Variants in TRAF3 observed in about 807,000 individuals in gnomAD.
TRAF3 encodes TNF receptor associated factor 3, also known as TNF receptor-associated factor 3.
In TRAF3, 13 loss-of-function variants were observed where a neutral mutation model predicts 62.3. The observed-to-expected ratio is 0.21, with a 90% CI of 0.14 to 0.33. The LOEUF is 0.33. TRAF3 is among the 10% of genes least tolerant of loss of function. The pLI is 1.00. For synonymous variants in TRAF3, 269 were observed against 283.4 expected (o/e 0.95, Z 0.51); for missense variants, 440 against 741.8 (o/e 0.59, Z 4.73).
intron 1 of TRAF3, among the ~76,000 whole-genome samples, chr14:102,804,716 G>A (rs578054848): frequency 1.1e-4 from 17 of 152,150 alleles, no homozygotes; most frequent in African/African-American, 2.9e-4. Context: ...TGAACTCCTG[G>A]CCTCAAGTAA....
At position 102,895,018 on chromosome 14, in the gene TRAF3, G is replaced by A. The variant is rs1458778833; in HGVS notation, c.820-2243G>A. ...CAGCTGGCCTATTGACAATGTTTTG[G>A]AGACATTACTGAGATTTTTTCAAAA... On this transcript the variant is annotated intron_variant, in intron 9 of 11. Coordinates refer to ENST00000392745, the MANE Select transcript of TRAF3 (RefSeq NM_145725.3). 1.8e-5 allele frequency: 8 copies of A among 453,758 alleles called. 1 individual carries two copies. The highest frequency in any genetic ancestry group is 9.4e-5 in the South Asian group (6 of 63,868). The allele number at this position is 453,758 out of a possible 1,614,324, so 28.1% of individuals were successfully genotyped here. A position where few individuals can be genotyped will look rare whatever the true frequency, so the allele number is the denominator to read the frequency against.
chr14:102,794,537 G>A (rs1386932252), intron 1 of TRAF3, among the ~76,000 whole-genome samples: 2 of 152,190 alleles, frequency 1.3e-5, no homozygotes, highest in African/African-American at 2.4e-5. Context: ...CATTATTCCT[G>A]CCATGTTCTA....
At position 102,891,411 on chromosome 14, in the gene TRAF3, A is replaced by G. The variant is rs767042790; in HGVS notation, c.813A>G (p.Glu271=). ...TGAAGGAGTGGAGCAACTCGCTCGA[A>G]AAGAAGGTGGGCTGCACACTTTCCT... The part of the protein sequence containing the change: ...NLLKEWSNSL[E]KKVSLLQNES... Residue 271 remains glutamate (E), a synonymous_variant, in exon 9 of 12, where the codon GAA becomes GAG. Coordinates refer to ENST00000392745, the MANE Select transcript of TRAF3 (RefSeq NM_145725.3). 1.4e-5 allele frequency: 23 copies of G among 1,611,612 alleles called. 1 individual carries two copies. In the South Asian group the frequency reaches 2.5e-4, roughly 18 times the overall value.
At chr14:102,877,727 G>A (rs1482593604) in intron 6 of TRAF3, among the ~76,000 whole-genome samples, 1 of 123,730 alleles carries the variant, frequency 8.1e-6, no homozygotes, top group Non-Finnish European at 1.6e-5. Flanking sequence ...CCTTCCACAG[G>A]CCCTCCCTCA....
At chr14:102,869,634 G>T (rs1423739578) in intron 2 of TRAF3, among the ~76,000 whole-genome samples, 1 of 151,702 alleles carries the variant, frequency 6.6e-6, no homozygotes, top group African/African-American at 2.4e-5. Flanking sequence ...GTAAAACCCC[G>T]TCTCTACTAA....
At chr14:102,854,654 C>T (rs1274919603) in intron 2 of TRAF3, among the ~76,000 whole-genome samples, 6 of 152,098 alleles carry the variant, frequency 3.9e-5, no homozygotes, top group African/African-American at 1.4e-4. Flanking sequence ...TGCACCACCA[C>T]ACCCAGCTAT....
intron 1 of TRAF3, among the ~76,000 whole-genome samples, chr14:102,781,350 A>C (rs1466452950): frequency 6.6e-6 from 1 of 152,150 alleles, no homozygotes; most frequent in African/African-American, 2.4e-5. Flanking sequence ...CTGGGAGCTC[A>C]TGTGGGTCAT....
At chr14:102,786,239 TC>T (rs1213019005) in intron 1 of TRAF3, among the ~76,000 whole-genome samples, 3 of 152,214 alleles carry the variant, frequency 2.0e-5, no homozygotes, top group Non-Finnish European at 4.4e-5. Context: ...TGGAAAAGCC[TC>T]TGAAACCTAA....
intron 4 of TRAF3, among the ~76,000 whole-genome samples, chr14:102,874,263 C>G (rs1165561902): frequency 6.6e-6 from 1 of 152,180 alleles, no homozygotes; most frequent in Non-Finnish European, 1.5e-5. Flanking sequence ...GAAACCCACC[C>G]TGTCTCTTTT....
intron 10 of TRAF3, among the ~76,000 whole-genome samples, chr14:102,899,332 C>T (rs148972696): frequency 3.3e-4 from 51 of 152,300 alleles, no homozygotes; most frequent in African/African-American, 1.1e-3. Flanking sequence ...CCAGGCCATC[C>T]CTCTGCTGCT....
chr14:102,861,580 T>C (rs1887680900), intron 2 of TRAF3, among the ~76,000 whole-genome samples: 1 of 152,188 alleles, frequency 6.6e-6, no homozygotes, highest in South Asian at 2.1e-4. Context: ...TCTATTTCCT[T>C]TGGGTTGGGA....
chr14:102,888,011 G>A (rs1322216415), intron 7 of TRAF3, among the ~76,000 whole-genome samples: 3 of 152,030 alleles, frequency 2.0e-5, no homozygotes, highest in Non-Finnish European at 2.9e-5. Flanking sequence ...TAGATTCCCC[G>A]AGACTCAGAA....
At chr14:102,793,627 G>T (rs905894249) in intron 1 of TRAF3, among the ~76,000 whole-genome samples, 1 of 152,192 alleles carries the variant, frequency 6.6e-6, no homozygotes. Context: ...CATTCATGTT[G>T]TAGTGCCAGC....
At chr14:102,846,315 C>A (rs1886717742) in intron 2 of TRAF3, among the ~76,000 whole-genome samples, 1 of 152,042 alleles carries the variant, frequency 6.6e-6, no homozygotes, top group Non-Finnish European at 1.5e-5. Flanking sequence ...GGTATATTTA[C>A]TGAGTAGAAT....
At chr14:102,781,737 C>G (rs1897280971) in intron 1 of TRAF3, among the ~76,000 whole-genome samples, 1 of 151,928 alleles carries the variant, frequency 6.6e-6, no homozygotes, top group South Asian at 2.1e-4. Context: ...AATGAGTCTC[C>G]TACCTCAGCC....
At chr14:102,820,587 TATATATATATATATATATATA>T (rs1899848801) in intron 1 of TRAF3, among the ~76,000 whole-genome samples, 3 of 6,336 alleles carry the variant, frequency 4.7e-4, no homozygotes, top group East Asian at 9.8e-3. Flanking sequence ...TATATATATA[TATATATATATATATATATATA>T]TATATATTTT....
intron 4 of TRAF3, among the ~76,000 whole-genome samples, chr14:102,874,551 TC>T (rs1490931382): frequency 6.6e-6 from 1 of 151,892 alleles, no homozygotes; most frequent in Non-Finnish European, 1.5e-5. Flanking sequence ...GAGTCACTGT[TC>T]CCAGTCAACC....
chr14:102,820,672 C>A (rs1313168323), intron 1 of TRAF3, among the ~76,000 whole-genome samples: 4 of 121,844 alleles, frequency 3.3e-5, no homozygotes, highest in Non-Finnish European at 6.4e-5. Flanking sequence ...GTCACCCAGG[C>A]CAGAGCACAG....
At chr14:102,872,519 T>C (rs909089698) in intron 4 of TRAF3, among the ~76,000 whole-genome samples, 1 of 152,318 alleles carries the variant, frequency 6.6e-6, no homozygotes, top group South Asian at 2.1e-4. Flanking sequence ...CTAGAGCCCG[T>C]GGGCGTCTCT....
Sources: gnomAD v4.1 joint callset for allele counts (sites outside exome capture counted in the v4.1 genomes callset) on GRCh38, gnomAD v4.1.1 for gene constraint, MANE v1.5 for transcripts, NCBI Gene and HGNC (gene_info 2026-07-23, HGNC 2026-07-21) for gene names.